MEI4: variants seen among roughly 807,000 people sequenced by gnomAD.
MEI4 encodes meiotic double-stranded break formation protein 4.
In MEI4, 27 loss-of-function variants were observed where a neutral mutation model predicts 31.4. That is an observed-to-expected ratio of 0.86 (90% CI 0.63 to 1.19). The LOEUF (loss-of-function observed/expected upper bound fraction) is 1.19, where lower values mean the gene tolerates loss of function less well. MEI4 is among the 50% of genes most tolerant of loss of function. MEI4 has a pLI of 0.00. For synonymous variants in MEI4, 122 were observed against 145.4 expected (o/e 0.84, Z 1.16); for missense variants, 329 against 398.9 (o/e 0.82, Z 1.49).
At chr6:77,874,816 GA>G (rs1771290702) in intron 4 of MEI4, among the ~76,000 whole-genome samples, 2 of 152,174 alleles carry the variant, frequency 1.3e-5, no homozygotes, top group African/African-American at 4.8e-5. Flanking sequence ...TTAGCATGAA[GA>G]GTTGTTGAAT....
Position 77,899,755 on chromosome 6 carries a change from T to G in MEI4, c.901-23334T>G, listed in dbSNP as rs776072102. 3.0e-4 allele frequency among the ~76,000 whole-genome samples: 45 copies of G among 152,100 alleles called. 1 individual carries two copies. The highest frequency in any genetic ancestry group is 6.3e-4 in the Non-Finnish European group (43 of 67,980). On this transcript the variant is annotated intron_variant, in intron 4 of 4. Coordinates refer to ENST00000684080, the MANE Select transcript of MEI4 (RefSeq NM_001322247.2). ...TTGCAAATGACAGTATTTTATTCTG[T>G]TTTATGACTGAATAGTATTCCACAC...
At chr6:77,745,246 A>G (rs1767561111) in intron 2 of MEI4, among the ~76,000 whole-genome samples, 1 of 152,232 alleles carries the variant, frequency 6.6e-6, no homozygotes. Context: ...AGAGACACAC[A>G]TAGGCTCAAA....
Position 77,923,115 on chromosome 6 carries a change from C to T in MEI4, c.927C>T (p.Arg309=). The T allele has an allele frequency of 8.1e-7, 1 of 1,230,140 alleles. No individual in the cohort carries two copies. Among genetic ancestry groups the T allele is most frequent in the South Asian group, 4.1e-5 (1 of 24,310 alleles). 76.2% of individuals were successfully genotyped at this position (1,230,140 alleles called of 1,614,324 possible). A position where few individuals can be genotyped will look rare whatever the true frequency, so the allele number is the denominator to read the frequency against. ...AGCAAGCCAGTTATGATGTGTCACG[C>T]TATGAAAACATTTTCTACCTGTTCT... ...NQEQASYDVS[R]YENIFYLFWV... is the part of the protein sequence containing the mutation. Residue 309 remains arginine, a synonymous_variant, in exon 5 of 5, where the codon CGC becomes CGT. Transcript: ENST00000684080.
intron 1 of MEI4, among the ~76,000 whole-genome samples, chr6:77,669,073 A>G (rs1353404146): frequency 6.6e-6 from 1 of 152,214 alleles, no homozygotes; most frequent in African/African-American, 2.4e-5. Flanking sequence ...ATATTTATTT[A>G]TCCTTCATTT....
At chr6:77,728,995 G>T (rs1453288432) in intron 2 of MEI4, among the ~76,000 whole-genome samples, 1 of 152,146 alleles carries the variant, frequency 6.6e-6, no homozygotes, top group Non-Finnish European at 1.5e-5. Flanking sequence ...AGGTGGGATC[G>T]GACAGTTAGA....
chr6:77,709,463 G>GTAAGA lies in MEI4; in HGVS notation c.232+18564_232+18565insATAAG, dbSNP rs552611694. ...AAGCAGCAGAAATTATTTTCATGGA[G>GTAAGA]TAAGTTTTTCTATGTAAATTATAAT... On this transcript the variant is annotated intron_variant, in intron 2 of 4. Transcript: ENST00000684080. 1.4e-3 allele frequency among the ~76,000 whole-genome samples: 213 copies of GTAAGA among 152,234 alleles called. 1 individual carries two copies. The highest frequency in any genetic ancestry group is 4.5e-3 in the African/African-American group (187 of 41,546).
chr6:77,813,897 A>G lies in MEI4; in HGVS notation c.769-15034A>G, dbSNP rs1582175712. Reference sequence around the variant, plus strand: ...GACCTATCTGTATATTTCATTTTTAATGTACATCAATGATGATTTTCAATA... The same window carrying G: ...GACCTATCTGTATATTTCATTTTTAGTGTACATCAATGATGATTTTCAATA... On this transcript the variant is annotated intron_variant, in intron 3 of 4. Coordinates refer to ENST00000684080, the MANE Select transcript of MEI4 (RefSeq NM_001322247.2). 2.6e-5 allele frequency among the ~76,000 whole-genome samples: 4 copies of G among 152,172 alleles called. No homozygotes were observed. In the South Asian group the frequency reaches 6.2e-4, roughly 24 times the overall value.
At chr6:77,822,298 G>A (rs972552682) in intron 3 of MEI4, among the ~76,000 whole-genome samples, 1 of 152,226 alleles carries the variant, frequency 6.6e-6, no homozygotes. Flanking sequence ...GCAGGGCCCT[G>A]ACCCTGTGAA....
chr6:77,684,465 T>C (rs946909063), intron 1 of MEI4, among the ~76,000 whole-genome samples: 3 of 151,600 alleles, frequency 2.0e-5, no homozygotes, highest in African/African-American at 7.3e-5. Context: ...TTTTTTTTGG[T>C]ACCCGTTACC....
chr6:77,863,527 T>C (rs1479016027), intron 4 of MEI4, among the ~76,000 whole-genome samples: 1 of 151,830 alleles, frequency 6.6e-6, no homozygotes, highest in African/African-American at 2.4e-5. Context: ...AAGAAAAGTT[T>C]AGAGAAAAAA....
intron 4 of MEI4, among the ~76,000 whole-genome samples, chr6:77,900,830 T>TTC (rs779236768): frequency 2.0e-5 from 3 of 151,984 alleles, no homozygotes; most frequent in Non-Finnish European, 4.4e-5. Flanking sequence ...ATTCCTTGTA[T>TTC]CTAACAGAAA....
chr6:77,768,699 CAA>C (rs11332685), intron 3 of MEI4, among the ~76,000 whole-genome samples: 39 of 116,576 alleles, frequency 3.3e-4, no homozygotes, highest in Middle Eastern at 5.4e-3. Context: ...GACTCCATCT[CAA>C]AAAAAAAAAA....
At chr6:77,804,354 C>T (rs185579769) in intron 3 of MEI4, among the ~76,000 whole-genome samples, 2 of 152,292 alleles carry the variant, frequency 1.3e-5, no homozygotes, top group African/African-American at 4.8e-5. Context: ...CCATCTGTCA[C>T]CCCTTTCTTT....
chr6:77,709,666 TC>T (rs1221044263), intron 2 of MEI4, among the ~76,000 whole-genome samples: 2 of 152,196 alleles, frequency 1.3e-5, no homozygotes, highest in African/African-American at 4.8e-5. Context: ...CCTTTGATAT[TC>T]TAATAAAAAA....
At chr6:77,699,380 G>A (rs1219229232) in intron 2 of MEI4, among the ~76,000 whole-genome samples, 2 of 150,362 alleles carry the variant, frequency 1.3e-5, no homozygotes, top group Non-Finnish European at 2.9e-5. Context: ...TTTTAGTAGA[G>A]ATGGGGTTTC....
chr6:77,906,501 T>C (rs1018183253), intron 4 of MEI4, among the ~76,000 whole-genome samples: 4 of 152,204 alleles, frequency 2.6e-5, no homozygotes, highest in African/African-American at 9.6e-5. Context: ...TATCTACAGT[T>C]GTGATGAGAA....
At chr6:77,766,951 C>T (rs1489613391) in intron 3 of MEI4, among the ~76,000 whole-genome samples, 2 of 152,114 alleles carry the variant, frequency 1.3e-5, no homozygotes, top group Non-Finnish European at 2.9e-5. Flanking sequence ...CAACCTTATC[C>T]TCTGTGTTTG....
chr6:77,919,688 CA>C (rs1236433753), intron 4 of MEI4, among the ~76,000 whole-genome samples: 2 of 149,134 alleles, frequency 1.3e-5, no homozygotes, highest in Non-Finnish European at 3.0e-5. Context: ...AAAAACCCTT[CA>C]AAAAATTAAT....
intron 3 of MEI4, among the ~76,000 whole-genome samples, chr6:77,799,332 A>C (rs2127699525): frequency 6.6e-6 from 1 of 151,936 alleles, no homozygotes; most frequent in East Asian, 1.9e-4. Context: ...CCACTTTTTG[A>C]TGGGGTTGTT....
Sources: gnomAD v4.1 joint callset for allele counts (sites outside exome capture counted in the v4.1 genomes callset) on GRCh38, gnomAD v4.1.1 for gene constraint, MANE v1.5 for transcripts, NCBI Gene and HGNC (gene_info 2026-07-23, HGNC 2026-07-21) for gene names.